Variants in TMOD3 observed in about 807,000 individuals in gnomAD.
TMOD3 encodes tropomodulin-3.
In TMOD3, 20 loss-of-function variants were observed where a neutral mutation model predicts 39.2. The observed-to-expected ratio is 0.51, with a 90% CI of 0.36 to 0.74. TMOD3 has a LOEUF of 0.74. TMOD3 is among the 30% of genes least tolerant of loss of function. TMOD3 has a pLI of 0.00. For synonymous variants in TMOD3, 143 were observed against 145.8 expected (o/e 0.98, Z 0.14); for missense variants, 381 against 412.8 (o/e 0.92, Z 0.67).
intron 3 of TMOD3, among the ~76,000 whole-genome samples, chr15:51,873,696 C>A (rs2056487489): frequency 6.6e-6 from 1 of 151,226 alleles, no homozygotes; most frequent in Non-Finnish European, 1.5e-5. Flanking sequence ...AAGGATCTAT[C>A]AGATGACTGC....
chr15:51,853,604 A>G (rs1171036411), intron 1 of TMOD3, among the ~76,000 whole-genome samples: 1 of 152,168 alleles, frequency 6.6e-6, no homozygotes, highest in Non-Finnish European at 1.5e-5. Flanking sequence ...TTTTGAAGTT[A>G]CCGATGTACA....
intron 1 of TMOD3, among the ~76,000 whole-genome samples, chr15:51,832,754 A>G (rs544713592): frequency 6.6e-6 from 1 of 152,344 alleles, no homozygotes; most frequent in Non-Finnish European, 1.5e-5. Context: ...ATACCTGGAT[A>G]GAGGGAGGGA....
At chr15:51,855,109 G>C (rs577881489) in intron 1 of TMOD3, among the ~76,000 whole-genome samples, 2 of 152,318 alleles carry the variant, frequency 1.3e-5, no homozygotes, top group East Asian at 3.9e-4. Context: ...AGCACCCATA[G>C]ACTTTGGGGA....
chr15:51,838,412 C>T (rs1567259434), intron 1 of TMOD3, among the ~76,000 whole-genome samples: 1 of 152,042 alleles, frequency 6.6e-6, no homozygotes, highest in Non-Finnish European at 1.5e-5. Context: ...GGAACACAAA[C>T]CCACTTAAGC....
intron 1 of TMOD3, 41 bp from the exon 2 acceptor site, chr15:51,862,770 T>A (rs2056425520): frequency 2.0e-6 from 2 of 985,950 alleles, no homozygotes; most frequent in Admixed American, 2.9e-5. Context: ...TAGGTGGAGA[T>A]GACTTACTAT....
chr15:51,879,681 C>T (rs901448227), intron 3 of TMOD3, among the ~76,000 whole-genome samples: 1 of 151,872 alleles, frequency 6.6e-6, no homozygotes, highest in Non-Finnish European at 1.5e-5. Context: ...TGGTTACCAA[C>T]CTAAATGAGT....
rs1198214550 is a variant in TMOD3 at position 51,910,065 on chromosome 15, A to AT, written c.*1255_*1256insT. The AT allele has an allele frequency of 6.6e-6, 1 of 152,244 alleles. No individual in the cohort carries two copies. The highest frequency in any genetic ancestry group is 1.5e-5 in the Non-Finnish European group (1 of 68,064). 9.4% of individuals were successfully genotyped at this position (152,244 alleles called of 1,614,324 possible). A position where few individuals can be genotyped will look rare whatever the true frequency, so the allele number is the denominator to read the frequency against. ...TGAGACTGCAGAGCTGATGCTGGGT[A>AT]GAGGGTCTGGACTTGTATTCATGTT... On this transcript the variant is annotated 3_prime_UTR_variant, in exon 10 of 10. Transcript: ENST00000308580.
At chr15:51,830,400 TGTTA>T (rs1285940193) in intron 1 of TMOD3, among the ~76,000 whole-genome samples, 1 of 152,178 alleles carries the variant, frequency 6.6e-6, no homozygotes, top group Non-Finnish European at 1.5e-5. Context: ...GAAGTTTGTG[TGTTA>T]GTTTGTTTTG....
At chr15:51,846,936 G>A (rs1043440154) in intron 1 of TMOD3, among the ~76,000 whole-genome samples, 1 of 152,068 alleles carries the variant, frequency 6.6e-6, no homozygotes, top group Non-Finnish European at 1.5e-5. Context: ...TGCTAAGGGT[G>A]TGGCTATTTT....
chr15:51,844,491 T>C (rs72731000), intron 1 of TMOD3, among the ~76,000 whole-genome samples: 4,318 of 152,324 alleles, frequency 0.028, 121 homozygotes, highest in South Asian at 0.14. Context: ...TTTTTTCTTA[T>C]TCTGAAGTCT....
intron 7 of TMOD3, among the ~76,000 whole-genome samples, 192 bp downstream of exon 7, chr15:51,896,718 A>G (rs903437901): frequency 1.3e-5 from 2 of 151,080 alleles, no homozygotes; most frequent in Non-Finnish European, 2.9e-5. Flanking sequence ...TCCCCCTCCC[A>G]GCTTCCCCCT....
chr15:51,908,300 G>A (rs565691525), intron 9 of TMOD3, among the ~76,000 whole-genome samples: 37 of 152,282 alleles, frequency 2.4e-4, no homozygotes, highest in African/African-American at 8.4e-4. Context: ...TGGGCTGGAC[G>A]CAGTGGCTCA....
intron 2 of TMOD3, among the ~76,000 whole-genome samples, chr15:51,864,509 T>C (rs2056435347): frequency 6.6e-6 from 1 of 152,042 alleles, no homozygotes; most frequent in African/African-American, 2.4e-5. Context: ...AACTACTGCC[T>C]TGAAAGAAGA....
At chr15:51,892,370 C>G (rs1377104492) in intron 5 of TMOD3, 1 of 152,148 alleles carries the variant, frequency 6.6e-6, no homozygotes, top group Non-Finnish European at 1.5e-5. Flanking sequence ...TATAGGTGTT[C>G]GTAGACCTCC....
chr15:51,875,818 C>T (rs1159169120), intron 3 of TMOD3, among the ~76,000 whole-genome samples: 2 of 152,024 alleles, frequency 1.3e-5, no homozygotes, highest in Non-Finnish European at 2.9e-5. Context: ...CAGGGTTTCA[C>T]TGTGTTAGCC....
intron 1 of TMOD3, among the ~76,000 whole-genome samples, chr15:51,856,185 C>T (rs2056386812): frequency 6.6e-6 from 1 of 152,156 alleles, no homozygotes; most frequent in East Asian, 1.9e-4. Flanking sequence ...ATAGCTTGAG[C>T]CCAGGAAGCA....
At chr15:51,867,297 A>G (rs1377350472) in intron 2 of TMOD3, among the ~76,000 whole-genome samples, 3 of 152,228 alleles carry the variant, frequency 2.0e-5, no homozygotes, top group Non-Finnish European at 2.9e-5. Context: ...CAGGAAGTAA[A>G]AATGAGTAGG....
At position 51,882,231 on chromosome 15, in the gene TMOD3, G is replaced by A. The variant is rs113406547; in HGVS notation, c.284-5358G>A. 9.9e-3 allele frequency among the ~76,000 whole-genome samples: 1,504 copies of A among 151,988 alleles called. 25 individuals carry two copies. Among genetic ancestry groups the A allele is most frequent in the African/African-American group, 0.035 (1,444 of 41,468 alleles). ...ATAATCTATTTTGAGTATGATGTGA[G>A]GTAAGGATTCAGCTTTGCATATGAG... is the stretch of plus-strand genomic sequence containing the variant. On this transcript the variant is annotated intron_variant, in intron 3 of 9. Transcript: ENST00000308580.
intron 8 of TMOD3, chr15:51,900,882 C>T (rs1037139311): frequency 1.3e-5 from 2 of 152,100 alleles, no homozygotes; most frequent in African/African-American, 4.8e-5. Flanking sequence ...AATTCATTTT[C>T]TTAAAGTATA....
Sources: gnomAD v4.1 joint callset for allele counts (sites outside exome capture counted in the v4.1 genomes callset) on GRCh38, gnomAD v4.1.1 for gene constraint, MANE v1.5 for transcripts, NCBI Gene and HGNC (gene_info 2026-07-23, HGNC 2026-07-21) for gene names.